DGKG: variants seen among roughly 807,000 people sequenced by gnomAD.
DGKG encodes the protein DAG kinase gamma.
DGKG carries 78 observed loss-of-function variants against 105.3 expected under a neutral mutation model. The observed-to-expected ratio is 0.74, with a 90% CI of 0.62 to 0.89. The LOEUF is 0.89. Among genes scored for constraint, DGKG ranks in the 40% least tolerant of loss-of-function variants. DGKG has a pLI of 0.00. For synonymous variants in DGKG, 346 were observed against 367.1 expected (o/e 0.94, Z 0.66); for missense variants, 958 against 1,020.1 (o/e 0.94, Z 0.83).
chr3:186,274,495 A>G (rs6789856), intron 10 of DGKG, among the ~76,000 whole-genome samples: 32,910 of 150,318 alleles, frequency 0.22, 4,813 homozygotes, highest in African/African-American at 0.42. Flanking sequence ...CCATTAACTC[A>G]TCATTTACAT....
intron 20 of DGKG, among the ~76,000 whole-genome samples, chr3:186,228,359 C>T (rs1560104826): frequency 6.6e-6 from 1 of 152,156 alleles, no homozygotes; most frequent in Non-Finnish European, 1.5e-5. Context: ...TCTGTCTGTA[C>T]TATTCTAACA....
At chr3:186,349,914 T>C (rs1465712429) in intron 1 of DGKG, among the ~76,000 whole-genome samples, 2 of 151,810 alleles carry the variant, frequency 1.3e-5, no homozygotes, top group East Asian at 3.9e-4. Flanking sequence ...AGATAGGGTC[T>C]CACTCTCTTG....
chr3:186,149,197 A>T lies in DGKG; in HGVS notation c.*893T>A. 1 of 984,590 alleles carries T rather than the reference A, an allele frequency of 1.0e-6. No individual in the cohort carries two copies. Among genetic ancestry groups the T allele is most frequent in the Non-Finnish European group, 1.2e-6 (1 of 829,682 alleles). 61.0% of individuals were successfully genotyped at this position (984,590 alleles called of 1,614,324 possible). A position where few individuals can be genotyped will look rare whatever the true frequency, so the allele number is the denominator to read the frequency against. On this transcript the variant is annotated 3_prime_UTR_variant, in exon 25 of 25. Transcript: ENST00000265022. ...CACCAGGGCTTGGAACTCAAACAGG[A>T]AACACGCTTTGGCTTGAAAAAGAAA...
intron 6 of DGKG, among the ~76,000 whole-genome samples, chr3:186,285,545 G>A (rs565045148): frequency 1.3e-5 from 2 of 152,246 alleles, no homozygotes; most frequent in African/African-American, 4.8e-5. Flanking sequence ...GGGACTACAT[G>A]TTTACTTATG....
chr3:186,354,966 G>A (rs1051223087), intron 1 of DGKG, among the ~76,000 whole-genome samples: 1 of 151,954 alleles, frequency 6.6e-6, no homozygotes, highest in African/African-American at 2.4e-5. Flanking sequence ...TTTCTATGAC[G>A]CCAGAAATTC....
chr3:186,173,474 A>G (rs923284123), intron 22 of DGKG, among the ~76,000 whole-genome samples: 1 of 152,202 alleles, frequency 6.6e-6, no homozygotes, highest in Non-Finnish European at 1.5e-5. Flanking sequence ...TTCAGTCCCC[A>G]CAGTCTAGAC....
intron 3 of DGKG, among the ~76,000 whole-genome samples, chr3:186,299,751 CTTTT>C (rs1287847430): frequency 6.6e-6 from 1 of 150,376 alleles, no homozygotes; most frequent in African/African-American, 2.5e-5. Flanking sequence ...CCTCTCTTTT[CTTTT>C]TTTCTTCTTT....
At chr3:186,260,233 C>G (rs1425990414) in intron 16 of DGKG, among the ~76,000 whole-genome samples, 1 of 152,178 alleles carries the variant, frequency 6.6e-6, no homozygotes, top group Non-Finnish European at 1.5e-5. Context: ...CAGGAGGCCA[C>G]TTCTCAAACA....
At position 186,284,729 on chromosome 3, in the gene DGKG, A is replaced by G. The variant is rs1480403603; in HGVS notation, c.545-20T>C. 6.2e-7 allele frequency: 1 copy of G among 1,612,612 alleles called. No individual in the cohort carries two copies. Among genetic ancestry groups the G allele is most frequent in the South Asian group, 1.1e-5 (1 of 91,048 alleles). ...ACATGACTGTAAGAAACACAGAGGT[A>G]AGCCTTGAGGTGTCCTCTAAGAAGC... On this transcript the variant is annotated intron_variant, in intron 6 of 24. Transcript: ENST00000265022. The surrounding 1 kb of genome is among the most constrained non-coding windows in gnomAD (Gnocchi z 4.0).
At chr3:186,170,344 G>A (rs181533932) in intron 22 of DGKG, among the ~76,000 whole-genome samples, 2 of 152,262 alleles carry the variant, frequency 1.3e-5, no homozygotes, top group Admixed American at 6.5e-5. Context: ...GTCTGGTCCT[G>A]GACCGGCAGC....
intron 4 of DGKG, 115 bp from the exon 5 acceptor site, chr3:186,297,598 G>A: frequency 1.3e-6 from 1 of 750,892 alleles, no homozygotes; most frequent in Non-Finnish European, 2.3e-6. Flanking sequence ...TGTGTCTCGG[G>A]GTTATGTGTC....
At chr3:186,353,590 T>TATATAC (rs1553825772) in intron 1 of DGKG, among the ~76,000 whole-genome samples, 8 of 108,610 alleles carry the variant, frequency 7.4e-5, no homozygotes, top group Middle Eastern at 4.8e-3. Context: ...TATATATATA[T>TATATAC]ACACACACAC....
chr3:186,167,844 CT>C (rs746511186), intron 22 of DGKG, among the ~76,000 whole-genome samples: 1 of 152,190 alleles, frequency 6.6e-6, no homozygotes, highest in Non-Finnish European at 1.5e-5. Context: ...CAGACACTGT[CT>C]TGTAAGAGTT....
At chr3:186,172,139 G>A (rs541682655) in intron 22 of DGKG, among the ~76,000 whole-genome samples, 32 of 152,282 alleles carry the variant, frequency 2.1e-4, no homozygotes, top group South Asian at 4.1e-4. Flanking sequence ...GAGCCACCGC[G>A]CCCAGTGCCC....
rs1480154761 is a variant in DGKG at position 186,284,277 on chromosome 3, C to G, written c.594+383G>C. On this transcript the variant is annotated intron_variant, in intron 7 of 24. Transcript: ENST00000265022. This position sits in a 1 kb window ranked among gnomAD's most constrained non-coding sequence, Gnocchi z 4.0. ...GCACATCAACAGTAACCAGCAGCCT[C>G]CTTCCTCGTGCCCTTTTCCCTTGGT... Among the ~76,000 whole-genome samples the G allele has an allele frequency of 1.3e-5, 2 of 152,172 alleles. No homozygotes were observed. Among genetic ancestry groups the G allele is most frequent in the African/African-American group, 4.8e-5 (2 of 41,434 alleles).
At chr3:186,271,657 G>A (rs1722322326) in intron 11 of DGKG, among the ~76,000 whole-genome samples, 2 of 152,122 alleles carry the variant, frequency 1.3e-5, no homozygotes, top group African/African-American at 4.8e-5. Flanking sequence ...TCACTCAGCT[G>A]GCCTCATAAG....
Position 186,147,829 on chromosome 3 carries a change from C to T in DGKG, c.*2261G>A. On this transcript the variant is annotated 3_prime_UTR_variant, in exon 25 of 25. Transcript: ENST00000265022. ...CCTGAACCTGCCTCAGTTTCAGAAA[C>T]AAGTGGCTTCCAAGATAGTACCTGT... 1.0e-6 allele frequency: 1 copy of T among 985,414 alleles called. No individual in the cohort carries two copies. The highest frequency in any genetic ancestry group is 1.2e-6 in the Non-Finnish European group (1 of 829,924). 61.0% of individuals were successfully genotyped at this position (985,414 alleles called of 1,614,324 possible). A position where few individuals can be genotyped will look rare whatever the true frequency, so the allele number is the denominator to read the frequency against.
intron 20 of DGKG, among the ~76,000 whole-genome samples, chr3:186,240,680 G>C (rs1190692260): frequency 6.6e-6 from 1 of 152,060 alleles, no homozygotes; most frequent in East Asian, 1.9e-4. Context: ...TGTGGTAGTG[G>C]GTGCCTGTAA....
intron 2 of DGKG, among the ~76,000 whole-genome samples, chr3:186,311,952 T>TA (rs1444514221): frequency 7.4e-6 from 1 of 135,064 alleles, no homozygotes; most frequent in Non-Finnish European, 1.5e-5. Context: ...CCGTCTCTAC[T>TA]AAAAATACAA....
Sources: gnomAD v4.1 joint callset for allele counts (sites outside exome capture counted in the v4.1 genomes callset) on GRCh38, gnomAD v4.1.1 for gene constraint, Gnocchi (gnomAD v3.1) non-coding constraint, MANE v1.5 for transcripts, NCBI Gene and HGNC (gene_info 2026-07-23, HGNC 2026-07-21) for gene names.